RASSF3: variants seen among roughly 807,000 people sequenced by gnomAD.
RASSF3 encodes ras association domain-containing protein 3.
RASSF3 carries 19 observed loss-of-function variants against 19.9 expected under a neutral mutation model. The ratio of observed to expected loss-of-function variants is 0.96; its 90% CI spans 0.67 to 1.40. The LOEUF (loss-of-function observed/expected upper bound fraction) is 1.40, where lower values mean the gene tolerates loss of function less well. RASSF3 is among the 40% of genes most tolerant of loss of function. The pLI, the probability that RASSF3 is intolerant of heterozygous loss-of-function variation, is 0.00. For synonymous variants in RASSF3, 110 were observed against 104.2 expected, an observed-to-expected ratio of 1.06 and a Z score of -0.34; for missense variants, 306 against 289.8, an observed-to-expected ratio of 1.06 and a Z score of -0.41.
In RASSF3 at chr12:64,696,098, C is replaced by CCTCACTCA. The variant is rs1269584399; in HGVS notation, c.*1189_*1190insACTCACTC. ...ACCTTGTTCTTTTCCTCCCTCCCTCCCTCCCTCCCTCCCTCCCTCCCTCCT... is the reference window on the plus strand; with the variant it reads ...ACCTTGTTCTTTTCCTCCCTCCCTCCCTCACTCACTCCCTCCCTCCCTCCCTCCCTCCT... On this transcript the variant is annotated 3_prime_UTR_variant, in exon 5 of 5. Coordinates refer to ENST00000542104, the MANE Select transcript of RASSF3 (RefSeq NM_178169.4). 1 of 118,064 alleles carries CCTCACTCA rather than the reference C, an allele frequency of 8.5e-6. No individual in the cohort carries two copies. Among genetic ancestry groups the CCTCACTCA allele is most frequent in the East Asian group, 2.8e-4 (1 of 3,572 alleles). 7.3% of individuals were successfully genotyped at this position (118,064 alleles called of 1,614,324 possible). A position where few individuals can be genotyped will look rare whatever the true frequency, so the allele number is the denominator to read the frequency against.
rs779591943 is a variant in RASSF3 at position 64,688,319 on chromosome 12, G to A, written c.323G>A (p.Gly108Asp). The A allele has an allele frequency of 1.2e-5, 20 of 1,613,790 alleles. No homozygotes were observed. Among genetic ancestry groups the A allele is most frequent in the Admixed American group, 3.3e-5 (2 of 59,996 alleles). The change falls in exon 3 of 5, where the codon GGC (glycine) becomes GAC (aspartate). Residue 108 changes from glycine (G) to aspartate (D), a missense_variant. Gly to Asp is a moderately conservative substitution (Grantham distance 94). Transcript: ENST00000542104. ...GGAAAACTCTCTCCCAGTAGCAATG[G>A]CTGTATGAATACACTTCATATCAGC... is the stretch of plus-strand genomic sequence containing the variant. ...NSGKLSPSSN[G>D]CMNTLHISST...
At chr12:64,691,740 A>AGGGGGATGGGAAGAGAAGAGAGT (rs1234620769) in intron 4 of RASSF3, among the ~76,000 whole-genome samples, 161 bp downstream of exon 4, 1 of 151,878 alleles carries the variant, frequency 6.6e-6, no homozygotes, top group Admixed American at 6.6e-5. Context: ...GGAGAGGGAG[A>AGGGGGATGGGAAGAGAAGAGAGT]GGGATTTTGA....
At chr12:64,532,202 C>T (rs1052744365), upstream of RASSF3, among the ~76,000 whole-genome samples, 2 of 152,142 alleles carry the variant, frequency 1.3e-5, no homozygotes, top group Non-Finnish European at 2.9e-5. Flanking sequence ...TTGCCGACTG[C>T]GAGTTCAAAT....
At chr12:64,555,728 A>T (rs1207069169) in intron 2 of RASSF3, among the ~76,000 whole-genome samples, 1 of 149,064 alleles carries the variant, frequency 6.7e-6, no homozygotes, top group Non-Finnish European at 1.5e-5. Context: ...CAGCCTGGGC[A>T]ACAGAGCAAG....
At chr12:64,525,739 C>CT (rs34551684) in intron 1 of RASSF3, among the ~76,000 whole-genome samples, 25,822 of 150,638 alleles carry the variant, frequency 0.17, 3,359 homozygotes, top group African/African-American at 0.37. Flanking sequence ...TCAAAGTCTA[C>CT]TTTTTTTTTT....
chr12:64,539,223 G>C (rs1868891969), intron 1 of RASSF3, among the ~76,000 whole-genome samples: 2 of 152,114 alleles, frequency 1.3e-5, no homozygotes. Context: ...ATGGCAGAGG[G>C]CATCACATGG....
At chr12:64,612,501 G>T (rs1267939480) in intron 1 of RASSF3, among the ~76,000 whole-genome samples, 1 of 120,798 alleles carries the variant, frequency 8.3e-6, no homozygotes, top group Admixed American at 9.7e-5. Flanking sequence ...TTTTTTTTGA[G>T]ATGGAGTCTC....
chr12:64,668,392 C>A (rs1729609129), intron 1 of RASSF3, among the ~76,000 whole-genome samples: 1 of 152,060 alleles, frequency 6.6e-6, no homozygotes, highest in African/African-American at 2.4e-5. Context: ...AATTCTCCAG[C>A]CTTAGCCTCC....
At chr12:64,676,156 C>T (rs940864685) in intron 1 of RASSF3, among the ~76,000 whole-genome samples, 2 of 147,450 alleles carry the variant, frequency 1.4e-5, no homozygotes, top group African/African-American at 5.0e-5. Context: ...TTCTTTCCTT[C>T]AGGAGTAGAA....
intron 1 of RASSF3, among the ~76,000 whole-genome samples, chr12:64,526,662 G>T (rs1214083041): frequency 9.2e-5 from 14 of 152,168 alleles, no homozygotes; most frequent in Middle Eastern, 3.4e-3. Flanking sequence ...TCCCACCTCA[G>T]CCTACTGAGT....
At chr12:64,580,963 G>T (rs1258103087) in intron 2 of RASSF3, among the ~76,000 whole-genome samples, 3 of 151,732 alleles carry the variant, frequency 2.0e-5, no homozygotes, top group African/African-American at 7.3e-5. Flanking sequence ...TATCTTTTGG[G>T]GGTAGGGATT....
At chr12:64,629,992 G>GAAC (rs1210835776) in intron 1 of RASSF3, 2 of 140,706 alleles carry the variant, frequency 1.4e-5, no homozygotes, top group Non-Finnish European at 3.1e-5. Flanking sequence ...AAGAAAAAAA[G>GAAC]AACAAGAAAG....
chr12:64,546,867 A>C (rs1350299002), intron 2 of RASSF3, among the ~76,000 whole-genome samples: 1 of 152,218 alleles, frequency 6.6e-6, no homozygotes, highest in Non-Finnish European at 1.5e-5. Flanking sequence ...TTGGTCCTTG[A>C]AAAGAACTAT....
chr12:64,555,933 G>T (rs1016426350), intron 2 of RASSF3, among the ~76,000 whole-genome samples: 7 of 152,076 alleles, frequency 4.6e-5, no homozygotes, highest in Non-Finnish European at 1.0e-4. Flanking sequence ...GATTAATGAG[G>T]CTTCAGGATA....
chr12:64,553,282 G>T (rs2136122081), intron 2 of RASSF3, among the ~76,000 whole-genome samples: 1 of 152,272 alleles, frequency 6.6e-6, no homozygotes, highest in Middle Eastern at 3.4e-3. Context: ...ACTAGGTTCA[G>T]TTTAAATAGG....
At chr12:64,527,291 T>C (rs529727477) in intron 1 of RASSF3, among the ~76,000 whole-genome samples, 1 of 152,316 alleles carries the variant, frequency 6.6e-6, no homozygotes, top group African/African-American at 2.4e-5. Flanking sequence ...GGCAGATGAC[T>C]GTAAGAAAGC....
intron 3 of RASSF3, among the ~76,000 whole-genome samples, chr12:64,689,222 T>G (rs1383619041): frequency 4.1e-5 from 6 of 147,120 alleles, no homozygotes; most frequent in Non-Finnish European, 7.5e-5. Flanking sequence ...GAAATCGGGG[T>G]GTGTGTGTGT....
intron 1 of RASSF3, among the ~76,000 whole-genome samples, chr12:64,512,458 G>A (rs1439753743): frequency 3.3e-5 from 5 of 151,986 alleles, no homozygotes; most frequent in South Asian, 2.1e-4. Flanking sequence ...GAAAAAAAAA[G>A]GCAGATTTTC....
At chr12:64,597,010 A>G (rs1187490149) in intron 2 of RASSF3, among the ~76,000 whole-genome samples, 3 of 151,838 alleles carry the variant, frequency 2.0e-5, no homozygotes, top group Non-Finnish European at 4.4e-5. Context: ...CAGGTGATCC[A>G]CCCACTTCGG....
Sources: gnomAD v4.1 joint callset for allele counts (sites outside exome capture counted in the v4.1 genomes callset) on GRCh38, gnomAD v4.1.1 for gene constraint, MANE v1.5 for transcripts, NCBI Gene and HGNC (gene_info 2026-07-23, HGNC 2026-07-21) for gene names.